ARHGAP40: variants seen among roughly 807,000 people sequenced by gnomAD.
ARHGAP40 encodes the protein Rho GTPase activating protein 40, also known as rho GTPase-activating protein 40.
In ARHGAP40, 43 loss-of-function variants were observed where a neutral mutation model predicts 73.5. The ratio of observed to expected loss-of-function variants is 0.58; its 90% CI spans 0.46 to 0.75. ARHGAP40 has a LOEUF of 0.75. Ranked by LOEUF, ARHGAP40 falls within the 30% of genes least tolerant of loss-of-function variation. ARHGAP40 has a pLI of 0.00. For missense variants in ARHGAP40, 734 were observed against 861.8 expected (o/e 0.85, Z 1.86); for synonymous variants, 300 against 352.8 (o/e 0.85, Z 1.68).
chr20:38,614,257 C>A (rs1479988402), intron 1 of ARHGAP40, among the ~76,000 whole-genome samples: 1 of 152,230 alleles, frequency 6.6e-6, no homozygotes, highest in Non-Finnish European at 1.5e-5. Context: ...TCTTCATAGG[C>A]ACACATGGCT....
exon 11 of ARHGAP40, chr20:38,643,784 G>A: frequency 3.8e-6 from 5 of 1,305,852 alleles, no homozygotes; most frequent in Non-Finnish European, 5.1e-6. Context: ...CCACCGTGAT[G>A]GCCCCTAACC....
chr20:38,633,200 A>T (rs932769839), intron 5 of ARHGAP40, among the ~76,000 whole-genome samples: 23 of 151,978 alleles, frequency 1.5e-4, no homozygotes, highest in Admixed American at 1.5e-3. Flanking sequence ...CAGGAGGATC[A>T]CTTGAGCCGA....
intron 10 of ARHGAP40, among the ~76,000 whole-genome samples, chr20:38,642,366 C>T (rs767945692): frequency 3.9e-5 from 6 of 152,200 alleles, no homozygotes; most frequent in African/African-American, 4.8e-5. Context: ...GTCCTTCAGT[C>T]AGACTCAAGA....
chr20:38,629,579 G>A, exon 5 of ARHGAP40: 1 of 1,305,438 alleles, frequency 7.7e-7, no homozygotes, highest in Non-Finnish European at 1.0e-6. Context: ...CTCAGAACAA[G>A]CTGCGGTGCT....
intron 14 of ARHGAP40, among the ~76,000 whole-genome samples, chr20:38,649,083 A>G (rs2089071963): frequency 6.6e-6 from 1 of 152,210 alleles, no homozygotes; most frequent in Non-Finnish European, 1.5e-5. Context: ...ACACATATCC[A>G]GCTCTGGGAG....
At chr20:38,618,742 A>G (rs1371246118) in intron 1 of ARHGAP40, among the ~76,000 whole-genome samples, 1 of 152,136 alleles carries the variant, frequency 6.6e-6, no homozygotes, top group African/African-American at 2.4e-5. Flanking sequence ...GCTTCTCAAC[A>G]TAGCAACCCC....
At chr20:38,615,749 G>A (rs568412040) in intron 1 of ARHGAP40, among the ~76,000 whole-genome samples, 6 of 152,264 alleles carry the variant, frequency 3.9e-5, no homozygotes, top group East Asian at 3.9e-4. Flanking sequence ...TGGGCTCACC[G>A]CACCTCTGGC....
intron 13 of ARHGAP40, among the ~76,000 whole-genome samples, chr20:38,647,633 T>TCTGCCCACCTCAGC (rs1164420299): frequency 6.6e-6 from 1 of 152,148 alleles, no homozygotes; most frequent in Non-Finnish European, 1.5e-5. Flanking sequence ...CCTCAAGTGA[T>TCTGCCCACCTCAGC]CTGCCCACCT....
intron 1 of ARHGAP40, among the ~76,000 whole-genome samples, chr20:38,618,319 G>C (rs1232052338): frequency 6.6e-6 from 1 of 152,050 alleles, no homozygotes; most frequent in Non-Finnish European, 1.5e-5. Context: ...ATGTTGGCCA[G>C]GCTGTTCTTG....
At chr20:38,609,611 A>G (rs1328902569) in intron 1 of ARHGAP40, among the ~76,000 whole-genome samples, 10 of 152,222 alleles carry the variant, frequency 6.6e-5, no homozygotes, top group African/African-American at 2.2e-4. Flanking sequence ...AATGAGCCCA[A>G]CGCCTCTAGG....
intron 1 of ARHGAP40, among the ~76,000 whole-genome samples, chr20:38,604,183 C>T (rs996157728): frequency 1.3e-5 from 2 of 152,166 alleles, no homozygotes; most frequent in Admixed American, 6.6e-5. Flanking sequence ...CCTGACTCCA[C>T]CACCACCCTC....
intron 1 of ARHGAP40, among the ~76,000 whole-genome samples, chr20:38,607,766 G>A (rs960199818): frequency 6.6e-6 from 1 of 152,162 alleles, no homozygotes; most frequent in African/African-American, 2.4e-5. Flanking sequence ...CTGAGTGTTG[G>A]CAATCTTTTC....
intron 14 of ARHGAP40, 89 bp from the exon 15 acceptor site, chr20:38,649,668 C>A: frequency 1.3e-6 from 1 of 751,680 alleles, no homozygotes; most frequent in Non-Finnish European, 2.0e-6. Context: ...AGCCAGGGGA[C>A]AGTGCACTGC....
At chr20:38,624,635 G>A (rs570495678) in intron 2 of ARHGAP40, among the ~76,000 whole-genome samples, 1 of 77,678 alleles carries the variant, frequency 1.3e-5, no homozygotes, top group East Asian at 2.4e-4. Flanking sequence ...GCACTTTCCT[G>A]CCTCAAGTCC....
chr20:38,641,035 A>C (rs1274398086), intron 9 of ARHGAP40, among the ~76,000 whole-genome samples: 1 of 151,936 alleles, frequency 6.6e-6, no homozygotes, highest in African/African-American at 2.4e-5. Flanking sequence ...CCTGACAGGT[A>C]CTTGATAGAT....
At chr20:38,642,739 T>A (rs565045952) in intron 10 of ARHGAP40, among the ~76,000 whole-genome samples, 60 of 151,608 alleles carry the variant, frequency 4.0e-4, no homozygotes, top group African/African-American at 1.0e-3. Flanking sequence ...CTTCCATCCA[T>A]CCATCCCTCC....
At chr20:38,602,398 C>A (rs1236500819) in intron 1 of ARHGAP40, among the ~76,000 whole-genome samples, 2 of 18,572 alleles carry the variant, frequency 1.1e-4, no homozygotes, top group Admixed American at 7.7e-4. Context: ...TTTCCTCTTC[C>A]TCTGGGTGTA....
exon 15 of ARHGAP40, chr20:38,649,963 C>T: frequency 2.6e-6 from 2 of 765,330 alleles, no homozygotes; most frequent in Admixed American, 5.5e-5. Context: ...AGTTTTATTC[C>T]AAGGCTTCCT....
chr20:38,623,479 G>C, exon 2 of ARHGAP40: 1 of 1,290,934 alleles, frequency 7.7e-7, no homozygotes, highest in Non-Finnish European at 1.0e-6. Flanking sequence ...ATGGCTTTTG[G>C]ATGGAGGTGG....
Sources: allele counts gnomAD v4.1 joint callset (sites outside exome capture counted in the v4.1 genomes callset), GRCh38; gene constraint gnomAD v4.1.1; transcripts MANE v1.5; gene names NCBI Gene and HGNC (gene_info 2026-07-23, HGNC 2026-07-21).